Variants in GRK2 observed in about 807,000 individuals in gnomAD.
GRK2 encodes the protein G protein-coupled receptor kinase 2.
A neutral mutation model predicts 97.8 loss-of-function variants in GRK2; 23 were observed. The observed-to-expected ratio is 0.24, with a 90% CI of 0.17 to 0.33. GRK2 has a LOEUF of 0.33. Among genes scored for constraint, GRK2 ranks in the 10% least tolerant of loss-of-function variants. The pLI, the probability that GRK2 is intolerant of heterozygous loss-of-function variation, is 1.00. For synonymous variants in GRK2, 425 were observed against 381.7 expected (o/e 1.11, Z -1.32); for missense variants, 633 against 956.9 (o/e 0.66, Z 4.47).
In GRK2 at chr11:67,283,248, G is replaced by T; in HGVS notation, c.1328+20G>T. 1 of 1,605,644 alleles carries T rather than the reference G, an allele frequency of 6.2e-7. No individual in the cohort carries two copies. Among genetic ancestry groups the T allele is most frequent in the East Asian group, 2.2e-5 (1 of 44,834 alleles). The stretch of plus-strand genomic sequence containing the variant: ...CCGAGGGTGAGTACCCTGGCGCCTT[G>T]GGCATGCTGCTGGCTGTGCCCCCAT... On this transcript the variant is annotated intron_variant, in intron 15 of 20. Coordinates refer to ENST00000308595, the MANE Select transcript of GRK2 (RefSeq NM_001619.5).
Position 67,283,901 on chromosome 11 carries a change from C to A in GRK2, c.1443C>A (p.Asp481Glu), listed in dbSNP as rs775188106. The stretch of plus-strand genomic sequence containing the variant: ...CACGAGGGGAGGTGAACGCGGCCGA[C>A]GCCTTCGACATTGGCTCCTTCGATG... ...IPPRGEVNAA[D>E]AFDIGSFDEE... The change falls in exon 17 of 21, where the codon GAC becomes GAA. Residue 481 changes from aspartate to glutamate, a missense_variant. Asp to Glu is a conservative substitution (Grantham distance 45). This residue lies in a region of GRK2 where 180 missense variants were observed against 311.3 expected (regional missense o/e 0.58). Transcript: ENST00000308595. 1 of 1,612,994 alleles carries A rather than the reference C, an allele frequency of 6.2e-7. No homozygotes were observed. Among genetic ancestry groups the A allele is most frequent in the African/African-American group, 1.3e-5 (1 of 75,064 alleles).
chr11:67,281,998 C>G lies in GRK2; in HGVS notation c.957+46C>G, dbSNP rs749254914. On this transcript the variant is annotated intron_variant, in intron 11 of 20. Transcript: ENST00000308595. The surrounding 1 kb of genome is among the most constrained non-coding windows in gnomAD (Gnocchi z 5.7). ...CAGGCTGGACCTCCGTGGCTGTCCT[C>G]TCCTTCCTCTCGACATCCCGGCCAC... 5 of 1,609,192 alleles carry G rather than the reference C, an allele frequency of 3.1e-6. No homozygotes were observed. In the South Asian group the frequency reaches 4.4e-5, roughly 14 times the overall value.
Position 67,279,402 on chromosome 11 carries a change from GA to G in GRK2, c.265-14del. 6.2e-7 allele frequency: 1 copy of G among 1,612,980 alleles called. No individual in the cohort carries two copies. The highest frequency in any genetic ancestry group is 8.5e-7 in the Non-Finnish European group (1 of 1,179,848). On this transcript the variant is annotated splice_polypyrimidine_tract_variant and intron_variant, in intron 3 of 20. Coordinates refer to ENST00000308595, the MANE Select transcript of GRK2 (RefSeq NM_001619.5). ...CTGCTGGGCTCTAGATGACCTGCAG[GA>G]ATCCTGTCCTCCAGATCAAGAAGTA...
chr11:67,280,995 G>A, intron 7 of GRK2, 98 bp from the exon 8 acceptor site: 1 of 1,199,124 alleles, frequency 8.3e-7, no homozygotes, highest in South Asian at 1.3e-5. Flanking sequence ...ATGGGTATGG[G>A]GACCCTGGCA....
chr11:67,285,038 C>G (rs780983311), intron 19 of GRK2, 37 bp from the exon 20 acceptor site: 1 of 1,612,156 alleles, frequency 6.2e-7, no homozygotes, highest in Non-Finnish European at 8.5e-7. Flanking sequence ...CTGGCCGGCC[C>G]GGCTCTTACC....
At chr11:67,274,610 C>A (rs1383166563) in intron 1 of GRK2, among the ~76,000 whole-genome samples, 4 of 149,114 alleles carry the variant, frequency 2.7e-5, no homozygotes, top group Non-Finnish European at 5.9e-5. Flanking sequence ...GTTTTCTCCA[C>A]GTTCCAGTCT....
rs775391882 is a variant in GRK2 at position 67,281,924 on chromosome 11, A to G, written c.929A>G (p.Asn310Ser). ...EIILGLEHMH[N>S]RFVVYRDLKP... ...ATCCTGGGCCTGGAGCACATGCACA[A>G]CCGCTTCGTGGTCTACCGGGACCTG... is the stretch of plus-strand genomic sequence containing the variant. Residue 310 changes from asparagine to serine, a missense_variant, in exon 11 of 21, where the codon AAC (asparagine) becomes AGC (serine). By Grantham distance (46) the Asn-to-Ser change is conservative (BLOSUM62 1). Coordinates refer to ENST00000308595, the MANE Select transcript of GRK2 (RefSeq NM_001619.5). This position sits in a 1 kb window ranked among gnomAD's most constrained non-coding sequence, Gnocchi z 5.7. 4 of 1,613,040 alleles carry G rather than the reference A, an allele frequency of 2.5e-6. No individual in the cohort carries two copies. The Admixed American group carries it at 6.7e-5, about 27-fold the overall frequency.
In GRK2 at chr11:67,269,940, A is replaced by G. The variant is rs1266114740; in HGVS notation, c.113+3128A>G. ...CTGTCACCCTATAGAATCCAAGGAAACAGTCCCTTTCCCCGACCTTCTTGT... is the reference window on the plus strand; with the variant it reads ...CTGTCACCCTATAGAATCCAAGGAAGCAGTCCCTTTCCCCGACCTTCTTGT... On this transcript the variant is annotated intron_variant, in intron 1 of 20. Transcript: ENST00000308595. The surrounding 1 kb of genome is among the most constrained non-coding windows in gnomAD (Gnocchi z 4.1). 6.6e-6 allele frequency among the ~76,000 whole-genome samples: 1 copy of G among 152,184 alleles called. No individual in the cohort carries two copies. The highest frequency in any genetic ancestry group is 1.5e-5 in the Non-Finnish European group (1 of 68,018).
rs1424446090 is a variant in GRK2 at position 67,280,240 on chromosome 11, A to G, written c.503+340A>G. Reference sequence around the variant, plus strand: ...GACTGAGAAGCATCAGAGTCCTGGTAGGGGTAGGCCCAGTAGAGCGCATGG... The same window carrying G: ...GACTGAGAAGCATCAGAGTCCTGGTGGGGGTAGGCCCAGTAGAGCGCATGG... On this transcript the variant is annotated intron_variant, in intron 6 of 20. Coordinates refer to ENST00000308595, the MANE Select transcript of GRK2 (RefSeq NM_001619.5). 2.4e-5 allele frequency: 10 copies of G among 418,656 alleles called. No homozygotes were observed. The East Asian group carries it at 5.0e-4, about 21-fold the overall frequency. 25.9% of individuals were successfully genotyped at this position (418,656 alleles called of 1,614,324 possible). A position where few individuals can be genotyped will look rare whatever the true frequency, so the allele number is the denominator to read the frequency against.
intron 2 of GRK2, among the ~76,000 whole-genome samples, chr11:67,278,535 G>A (rs1860080253): frequency 6.6e-6 from 1 of 152,166 alleles, no homozygotes; most frequent in Non-Finnish European, 1.5e-5. Context: ...CTGCCATTTG[G>A]TGGAGTAGCC....
chr11:67,277,499 G>A (rs1463005486), intron 2 of GRK2, 151 bp downstream of exon 2: 12 of 694,504 alleles, frequency 1.7e-5, no homozygotes, highest in African/African-American at 5.4e-5. Context: ...GCTCCAAGTC[G>A]CTGCGACCCT....
chr11:67,279,968 C>A, intron 6 of GRK2, 68 bp downstream of exon 6: 3 of 1,510,068 alleles, frequency 2.0e-6, no homozygotes, highest in Non-Finnish European at 2.8e-6. Context: ...GTATGGCTGG[C>A]GTGGAGGGCA....
chr11:67,268,937 C>G (rs767566340), intron 1 of GRK2, among the ~76,000 whole-genome samples: 1 of 152,234 alleles, frequency 6.6e-6, no homozygotes, highest in African/African-American at 2.4e-5. Context: ...TCTAGGAGGA[C>G]AGCAGGAGGC....
chr11:67,274,593 C>T (rs1275925298), intron 1 of GRK2, among the ~76,000 whole-genome samples: 4 of 146,666 alleles, frequency 2.7e-5, no homozygotes, highest in South Asian at 2.2e-4. Flanking sequence ...AGGCCCCTGA[C>T]CTTGGGGTTT....
intron 14 of GRK2, 88 bp from the exon 15 acceptor site, chr11:67,283,040 C>T (rs943606018): frequency 3.4e-5 from 46 of 1,362,992 alleles, no homozygotes; most frequent in Non-Finnish European, 4.5e-5. Flanking sequence ...TGTCCCTCTG[C>T]GGGGGCCTGG....
chr11:67,279,975 G>A (rs1860115469), intron 6 of GRK2, 75 bp downstream of exon 6: 1 of 1,467,422 alleles, frequency 6.8e-7, no homozygotes, highest in East Asian at 2.3e-5. Flanking sequence ...TGGCGTGGAG[G>A]GCAGAAGCCA....
At chr11:67,267,014 G>T (rs1181164642) in intron 1 of GRK2, among the ~76,000 whole-genome samples, 7 of 152,098 alleles carry the variant, frequency 4.6e-5, no homozygotes. Flanking sequence ...GGGCGCCTGA[G>T]CCCGGAGCGC....
Position 67,277,260 on chromosome 11 carries a change from C to A in GRK2, c.114-12C>A, listed in dbSNP as rs375755668. 3.7e-6 allele frequency: 6 copies of A among 1,613,434 alleles called. No individual in the cohort carries two copies. The highest frequency in any genetic ancestry group is 3.3e-4 in the Middle Eastern group (2 of 6,044). ...TGGGGGCTTCTGCTTACTGCGCCCCCCTGACCCACAGCATCCGCAGTGTCA... is the reference window on the plus strand; with the variant it reads ...TGGGGGCTTCTGCTTACTGCGCCCCACTGACCCACAGCATCCGCAGTGTCA... On this transcript the variant is annotated splice_polypyrimidine_tract_variant and intron_variant, in intron 1 of 20. Coordinates refer to ENST00000308595, the MANE Select transcript of GRK2 (RefSeq NM_001619.5).
At chr11:67,280,404 G>T in intron 6 of GRK2, 1 of 452,352 alleles carries the variant, frequency 2.2e-6, no homozygotes, top group Non-Finnish European at 4.0e-6. Context: ...GGGTATGCAA[G>T]CAGGGACAGG....
Sources: gnomAD v4.1 joint callset for allele counts (sites outside exome capture counted in the v4.1 genomes callset) on GRCh38, gnomAD v4.1.1 for gene constraint, gnomAD v4.1.1 regional missense constraint, Gnocchi (gnomAD v3.1) non-coding constraint, MANE v1.5 for transcripts, NCBI Gene and HGNC (gene_info 2026-07-23, HGNC 2026-07-21) for gene names.